TTYH3: variants seen among roughly 807,000 people sequenced by gnomAD.
The protein encoded by TTYH3 is tweety family member 3.
In TTYH3, 23 loss-of-function variants were observed where a neutral mutation model predicts 68.2. The observed-to-expected ratio is 0.34, with a 90% CI of 0.24 to 0.48. The LOEUF is 0.48. TTYH3 is among the 20% of genes least tolerant of loss of function. The pLI is 0.99. For synonymous variants in TTYH3, 360 were observed against 332.8 expected, an observed-to-expected ratio of 1.08 and a Z score of -0.89; for missense variants, 768 against 727.7, an observed-to-expected ratio of 1.06 and a Z score of -0.64.
intron 1 of TTYH3, among the ~76,000 whole-genome samples, chr7:2,636,735 G>A (rs189930614): frequency 1.7e-4 from 26 of 152,292 alleles, no homozygotes; most frequent in African/African-American, 6.0e-4. Context: ...TGCATTCCTG[G>A]GGAGACTCCG....
intron 5 of TTYH3, among the ~76,000 whole-genome samples, chr7:2,649,203 C>T (rs896399454): frequency 2.0e-5 from 3 of 152,098 alleles, no homozygotes; most frequent in African/African-American, 7.2e-5. Flanking sequence ...ATCTAGCTGA[C>T]GTTATCAGGC....
At chr7:2,643,853 G>C (rs1436284891) in intron 1 of TTYH3, among the ~76,000 whole-genome samples, 1 of 152,144 alleles carries the variant, frequency 6.6e-6, no homozygotes, top group Non-Finnish European at 1.5e-5. Context: ...GGATTGACCT[G>C]CTCTTCCAGT....
At chr7:2,638,282 G>A (rs992327610) in intron 1 of TTYH3, among the ~76,000 whole-genome samples, 2 of 152,160 alleles carry the variant, frequency 1.3e-5, no homozygotes, top group Non-Finnish European at 2.9e-5. Flanking sequence ...TGTCACGCTG[G>A]GAGATGTGTC....
chr7:2,649,011 T>C (rs1786085601), intron 5 of TTYH3, among the ~76,000 whole-genome samples: 1 of 144,848 alleles, frequency 6.9e-6, no homozygotes, highest in Non-Finnish European at 1.5e-5. Context: ...GGATCTGAAC[T>C]GGGATATGGG....
chr7:2,648,102 G>T, intron 5 of TTYH3, 48 bp downstream of exon 5: 1 of 1,556,480 alleles, frequency 6.4e-7, no homozygotes, highest in South Asian at 1.1e-5. Context: ...CGGAGGGGCA[G>T]GGCAAGGCAC....
intron 4 of TTYH3, 23 bp from the exon 5 acceptor site, chr7:2,647,936 C>T (rs772928902): frequency 7.7e-5 from 123 of 1,603,204 alleles, no homozygotes; most frequent in Admixed American, 3.3e-4. Flanking sequence ...TGTGCCCTGG[C>T]GCACTCCCAG....
rs533188776 is a variant in TTYH3, at chr7:2,635,003, G to C, written c.123+2725G>C. Among the ~76,000 whole-genome samples the C allele has an allele frequency of 2.0e-5, 3 of 152,266 alleles. No homozygotes were observed. In the South Asian group the frequency reaches 6.2e-4, roughly 32 times the overall value. On this transcript the variant is annotated intron_variant, in intron 1 of 13. Transcript: ENST00000258796. ...GAGCTGTGAGAGGGCAGGGGGTGGA[G>C]GGGCATCTGGGGTCGGCTCTGTGCA... is the stretch of plus-strand genomic sequence containing the variant.
chr7:2,647,116 A>G, intron 2 of TTYH3, 26 bp from the exon 3 acceptor site: 1 of 1,573,634 alleles, frequency 6.4e-7, no homozygotes, highest in South Asian at 1.2e-5. Context: ...GGGCGGGGCT[A>G]CATCTCACGG....
At chr7:2,633,187 C>G (rs1195823622) in intron 1 of TTYH3, among the ~76,000 whole-genome samples, 2 of 152,192 alleles carry the variant, frequency 1.3e-5, no homozygotes, top group African/African-American at 4.8e-5. Flanking sequence ...ATTCCAGAAG[C>G]CCCGTGACCA....
chr7:2,656,588 G>C lies in TTYH3; in HGVS notation c.1250+54G>C. The C allele has an allele frequency of 1.9e-6, 3 of 1,575,586 alleles. No homozygotes were observed. In the South Asian group the frequency reaches 3.4e-5, roughly 18 times the overall value. On this transcript the variant is annotated intron_variant, in intron 11 of 13. Transcript: ENST00000258796. The stretch of plus-strand genomic sequence containing the variant: ...TTGCCCCAGGCCACATGGCATGCGG[G>C]ACACTTCAGGGGCATGCCTTTATGG...
chr7:2,640,332 C>T (rs565560501), intron 1 of TTYH3, among the ~76,000 whole-genome samples: 9 of 152,098 alleles, frequency 5.9e-5, no homozygotes, highest in South Asian at 4.1e-4. Flanking sequence ...CGTGTGGGTC[C>T]GTGGCGCAGG....
intron 1 of TTYH3, among the ~76,000 whole-genome samples, chr7:2,638,321 T>G (rs1785735142): frequency 1.3e-5 from 2 of 150,696 alleles, no homozygotes; most frequent in Non-Finnish European, 3.0e-5. Flanking sequence ...TAGACACGCT[T>G]GCTGCAGCTC....
In TTYH3 at chr7:2,649,618, CTTG is replaced by C. The variant is rs1452007945; in HGVS notation, c.775_777del (p.Leu259del). ...TGGTCATCAGCTGGGGCGCGCTGGG[CTTG>C]GAGCTGGCTGTGTCCGTGGTGAGTG... On this transcript the variant is annotated inframe_deletion, in exon 6 of 14. Coordinates refer to ENST00000258796, the MANE Select transcript of TTYH3 (RefSeq NM_025250.3). 1 of 1,599,668 alleles carries C rather than the reference CTTG, an allele frequency of 6.3e-7. No homozygotes were observed. Among genetic ancestry groups the C allele is most frequent in the Non-Finnish European group, 8.5e-7 (1 of 1,177,506 alleles).
chr7:2,659,897 C>T (rs1410726261), intron 13 of TTYH3: 3 of 1,284,600 alleles, frequency 2.3e-6, no homozygotes, highest in Non-Finnish European at 2.0e-6. Flanking sequence ...CACACTCTCT[C>T]TCTCTCTCTC....
intron 1 of TTYH3, among the ~76,000 whole-genome samples, chr7:2,641,667 G>A (rs1014785362): frequency 3.3e-5 from 5 of 152,254 alleles, no homozygotes; most frequent in African/African-American, 9.6e-5. Context: ...AGGGAGGGGC[G>A]GAGGGGCCGC....
intron 1 of TTYH3, among the ~76,000 whole-genome samples, chr7:2,640,912 G>A (rs367845829): frequency 2.3e-4 from 35 of 152,354 alleles, no homozygotes; most frequent in East Asian, 1.4e-3. Context: ...TTACAAGTGC[G>A]GAGCCAGCCG....
intron 13 of TTYH3, 33 bp from the exon 14 acceptor site, chr7:2,661,635 C>G: frequency 6.2e-7 from 1 of 1,603,158 alleles, no homozygotes; most frequent in South Asian, 1.1e-5. Flanking sequence ...CATGCAGGGG[C>G]CCTGCTGATG....
rs1004179768 is a variant in TTYH3, at chr7:2,647,976, G to T, written c.644G>T (p.Gly215Val). The T allele has an allele frequency of 6.2e-7, 1 of 1,609,404 alleles. No homozygotes were observed. The highest frequency in any genetic ancestry group is 8.5e-7 in the Non-Finnish European group (1 of 1,179,894). ...YDWYRWLGYL[G>V]LLLLDVIICL... ...GCCTGCAGGTGGCTGGGCTACCTGGGCCTGCTGCTGCTGGACGTCATCATC... is the reference window on the plus strand; with the variant it reads ...GCCTGCAGGTGGCTGGGCTACCTGGTCCTGCTGCTGCTGGACGTCATCATC... The change falls in exon 5 of 14, where the codon GGC becomes GTC. Residue 215 changes from glycine (G) to valine (V), a missense_variant. By Grantham distance (109) the Gly-to-Val change is moderately radical. Coordinates refer to ENST00000258796, the MANE Select transcript of TTYH3 (RefSeq NM_025250.3).
intron 5 of TTYH3, 180 bp downstream of exon 5, chr7:2,648,234 G>A (rs1786056424): frequency 1.6e-6 from 1 of 607,036 alleles, no homozygotes; most frequent in Non-Finnish European, 2.9e-6. Flanking sequence ...TGTGGCCTGT[G>A]CCCCTGTGGC....
Sources: allele counts gnomAD v4.1 joint callset (sites outside exome capture counted in the v4.1 genomes callset), GRCh38; gene constraint gnomAD v4.1.1; transcripts MANE v1.5; gene names NCBI Gene and HGNC (gene_info 2026-07-23, HGNC 2026-07-21).